HACD3: variants seen among roughly 807,000 people sequenced by gnomAD.
HACD3 encodes very-long-chain (3R)-3-hydroxyacyl-CoA dehydratase 3.
In HACD3, 30 loss-of-function variants were observed where a neutral mutation model predicts 55.2. The ratio of observed to expected loss-of-function variants is 0.54; its 90% CI spans 0.41 to 0.74. The LOEUF is 0.74. Among genes scored for constraint, HACD3 ranks in the 30% least tolerant of loss-of-function variants. HACD3 has a pLI of 0.00. For missense variants in HACD3, 363 were observed against 440.1 expected (o/e 0.82, Z 1.57); for synonymous variants, 141 against 151.7 (o/e 0.93, Z 0.52).
At chr15:65,550,411 A>C (rs1327693366) in intron 1 of HACD3, among the ~76,000 whole-genome samples, 1 of 152,132 alleles carries the variant, frequency 6.6e-6, no homozygotes, top group Non-Finnish European at 1.5e-5. Flanking sequence ...AGTTCATATC[A>C]GATAAAATGG....
chr15:65,541,280 G>A (rs1211685477), intron 1 of HACD3, among the ~76,000 whole-genome samples: 1 of 152,030 alleles, frequency 6.6e-6, no homozygotes, highest in Non-Finnish European at 1.5e-5. Context: ...CTCATGATGA[G>A]GGGAAAAATG....
chr15:65,562,727 C>G, intron 5 of HACD3, 47 bp from the exon 6 acceptor site: 1 of 1,594,732 alleles, frequency 6.3e-7, no homozygotes, highest in African/African-American at 1.3e-5. Context: ...CTGTCTCCTG[C>G]TGGGACTATT....
rs773845502 is a variant in HACD3, at chr15:65,564,236, A to G, written c.554A>G (p.His185Arg). The G allele has an allele frequency of 1.2e-6, 2 of 1,613,814 alleles. No individual in the cohort carries two copies. The highest frequency in any genetic ancestry group is 1.7e-6 in the Non-Finnish European group (2 of 1,179,788). The change falls in exon 7 of 11, where the codon CAT (histidine) becomes CGT (arginine). Residue 185 changes from histidine (H) to arginine (R), a missense_variant. His to Arg is a conservative substitution (Grantham distance 29). Coordinates refer to ENST00000261875, the MANE Select transcript of HACD3 (RefSeq NM_016395.4). ...ATAGAGTCCTTTTATGACACATTCC[A>G]TACTGTGGCTGACATGATGTATTTC... is the stretch of plus-strand genomic sequence containing the variant. Reference protein sequence around the residue: ...LGKESFYDTFHTVADMMYFCQ... With the variant: ...LGKESFYDTFRTVADMMYFCQ...
At chr15:65,575,867 C>T (rs963770174) in intron 10 of HACD3, among the ~76,000 whole-genome samples, 1 of 152,112 alleles carries the variant, frequency 6.6e-6, no homozygotes, top group Non-Finnish European at 1.5e-5. Context: ...CCAAGCTGGG[C>T]AGATCATTTG....
chr15:65,573,038 T>C (rs1596220645), intron 10 of HACD3, among the ~76,000 whole-genome samples: 1 of 150,656 alleles, frequency 6.6e-6, no homozygotes, highest in South Asian at 2.1e-4. Context: ...ATCCAGAGTT[T>C]ATAGAGGTGA....
chr15:65,549,064 T>G (rs1451444697), intron 1 of HACD3, among the ~76,000 whole-genome samples: 2 of 152,196 alleles, frequency 1.3e-5, no homozygotes, highest in Non-Finnish European at 2.9e-5. Context: ...CACAGTTTCT[T>G]TTCTTGTAAG....
chr15:65,556,263 C>T (rs912974333), intron 3 of HACD3, among the ~76,000 whole-genome samples: 1 of 152,164 alleles, frequency 6.6e-6, no homozygotes, highest in Non-Finnish European at 1.5e-5. Flanking sequence ...GAGCCCTGAG[C>T]TTGTTTTCTT....
In HACD3 at chr15:65,571,625, C is replaced by T; in HGVS notation, c.851C>T (p.Pro284Leu). 6.2e-7 allele frequency: 1 copy of T among 1,613,342 alleles called. No individual in the cohort carries two copies. Among genetic ancestry groups the T allele is most frequent in the East Asian group, 2.2e-5 (1 of 44,878 alleles). ...TGGCTTCGTTACACTCTGTGGATTC[C>T]CTTATATCCACTGGGATGTTTGGCG... The part of the protein sequence containing the change: ...LTWLRYTLWI[P>L]LYPLGCLAEA... The change falls in exon 9 of 11, where the codon CCC (proline) becomes CTC (leucine). Residue 284 changes from proline to leucine, a missense_variant. Transcript: ENST00000261875.
At chr15:65,536,234 G>C (rs2071953730) in intron 1 of HACD3, among the ~76,000 whole-genome samples, 2 of 152,046 alleles carry the variant, frequency 1.3e-5, no homozygotes, top group Admixed American at 1.3e-4. Context: ...CTAAGCTCAA[G>C]TGGCCTGCCC....
At position 65,570,182 on chromosome 15, in the gene HACD3, G is replaced by A. The variant is rs2072334544; in HGVS notation, c.752G>A (p.Trp251Ter). The change falls in exon 8 of 11, where the codon TGG (tryptophan) becomes TAG (stop). Residue 251 changes from tryptophan (W) to a stop codon, truncating the protein, a stop_gained. Transcript: ENST00000261875. LOFTEE classifies it high-confidence loss of function. ...GTGGTTTTCTTTGTGTTTTATTTGT[G>A]GAGTGCAATTGAAATTTTCAGGTGG... ...KAVVFFVFYL[W>*]SAIEIFRYSF... is the part of the protein sequence containing the mutation. 6.2e-7 allele frequency: 1 copy of A among 1,610,984 alleles called. No individual in the cohort carries two copies. The highest frequency in any genetic ancestry group is 1.1e-5 in the South Asian group (1 of 90,852).
chr15:65,575,657 A>G (rs192219202), intron 10 of HACD3, among the ~76,000 whole-genome samples: 1 of 152,336 alleles, frequency 6.6e-6, no homozygotes, highest in Non-Finnish European at 1.5e-5. Context: ...TGAAGTGCAT[A>G]AAAAATGAGA....
At chr15:65,562,512 G>A (rs961283209) in intron 5 of HACD3, among the ~76,000 whole-genome samples, 2 of 151,940 alleles carry the variant, frequency 1.3e-5, no homozygotes, top group African/African-American at 4.8e-5. Flanking sequence ...TTTTTCTTGG[G>A]TTTGTTATGT....
At position 65,556,726 on chromosome 15, in the gene HACD3, C is replaced by G. The variant is rs1192339338; in HGVS notation, c.205-13C>G. 2 of 1,587,186 alleles carry G rather than the reference C, an allele frequency of 1.3e-6. No individual in the cohort carries two copies. Among genetic ancestry groups the G allele is most frequent in the Non-Finnish European group, 1.7e-6 (2 of 1,160,088 alleles). On this transcript the variant is annotated splice_polypyrimidine_tract_variant and intron_variant, in intron 3 of 10. Transcript: ENST00000261875. The stretch of plus-strand genomic sequence containing the variant: ...AGAAGAGGGCATTCTCACATTTTCA[C>G]TTTCTCTCCTAGCCTGTTTACAAAC...
At chr15:65,572,488 C>CT in intron 10 of HACD3, 122 bp downstream of exon 10, 1 of 1,223,554 alleles carries the variant, frequency 8.2e-7, no homozygotes, top group Non-Finnish European at 1.1e-6. Context: ...AGAATGATTA[C>CT]TTTGCAAAAA....
At chr15:65,575,649 A>T (rs547635716) in intron 10 of HACD3, among the ~76,000 whole-genome samples, 2 of 152,300 alleles carry the variant, frequency 1.3e-5, no homozygotes, top group East Asian at 3.9e-4. Flanking sequence ...CTTAACACTG[A>T]AGTGCATAAA....
chr15:65,564,177 C>T (rs2072270039), intron 6 of HACD3, 38 bp from the exon 7 acceptor site: 3 of 1,597,634 alleles, frequency 1.9e-6, no homozygotes, highest in Non-Finnish European at 2.6e-6. Flanking sequence ...TTGGAATTTA[C>T]CAACTGATTC....
At chr15:65,560,714 G>A (rs1366824239) in intron 5 of HACD3, among the ~76,000 whole-genome samples, 1 of 151,570 alleles carries the variant, frequency 6.6e-6, no homozygotes, top group Non-Finnish European at 1.5e-5. Context: ...GAGGTGGGAG[G>A]ATGGGTTGAC....
chr15:65,542,242 A>AG (rs1284345805), intron 1 of HACD3, among the ~76,000 whole-genome samples: 70 of 140,622 alleles, frequency 5.0e-4, no homozygotes, highest in African/African-American at 1.7e-3. Flanking sequence ...AAAAAAAAAA[A>AG]AAAAGAAAAG....
intron 7 of HACD3, among the ~76,000 whole-genome samples, chr15:65,567,903 T>C (rs2141223431): frequency 6.6e-6 from 1 of 151,996 alleles, no homozygotes; most frequent in South Asian, 2.1e-4. Flanking sequence ...AATGGGGAGT[T>C]ATTGTTTAAT....
Sources: gnomAD v4.1 joint callset for allele counts (sites outside exome capture counted in the v4.1 genomes callset) on GRCh38, gnomAD v4.1.1 for gene constraint, MANE v1.5 for transcripts, NCBI Gene and HGNC (gene_info 2026-07-23, HGNC 2026-07-21) for gene names.